The following PDK3 variants were observed in gnomAD, a reference collection of about 807,000 sequenced individuals.
PDK3 encodes the protein pyruvate dehydrogenase kinase, isozyme 3.
In PDK3, 12 loss-of-function variants were observed where a neutral mutation model predicts 32.0. The ratio of observed to expected loss-of-function variants is 0.37; its 90% CI spans 0.24 to 0.61. PDK3 has a LOEUF of 0.61. Among genes scored for constraint, PDK3 ranks in the 20% least tolerant of loss-of-function variants. The probability of loss-of-function intolerance (pLI) is 0.65; values close to 1 mark genes in which losing one functional copy is unlikely to be tolerated. For missense variants in PDK3, 188 were observed against 316.9 expected, an observed-to-expected ratio of 0.59 and a Z score of 3.09; for synonymous variants, 122 against 116.3, an observed-to-expected ratio of 1.05 and a Z score of -0.31.
chrX:24,483,320 G>A (rs7059516), intron 1 of PDK3, among the ~76,000 whole-genome samples: 42,048 of 110,678 alleles, frequency 0.38, 6,028 homozygotes, highest in African/African-American at 0.52. Context: ...CCAATTTACC[G>A]TTAGGACTAG....
chrX:24,491,277 TCA>T (rs747897290), intron 1 of PDK3, among the ~76,000 whole-genome samples: 4 of 59,806 alleles, frequency 6.7e-5, no homozygotes, highest in African/African-American at 4.3e-4. Context: ...AGACCCTGTC[TCA>T]AAAAAAAAAA....
At chrX:24,540,524 G>A (rs1484195140) in exon 12 of PDK3, among the ~76,000 whole-genome samples, 1 of 112,001 alleles carries the variant, frequency 8.9e-6, no homozygotes, top group African/African-American at 3.2e-5. Context: ...CTGAGATGAG[G>A]TGTGCTTTGA....
Position 24,512,337 on chromosome X carries a change from G to A in PDK3, c.596-6596G>A, listed in dbSNP as rs1446712974. Among the ~76,000 whole-genome samples, 4 of 112,089 alleles carry A rather than the reference G, an allele frequency of 3.6e-5. No homozygotes were observed. In the East Asian group the frequency reaches 1.1e-3, roughly 31 times the overall value. ...TAAGTTGCCTGTGTTGTTCTTACAT[G>A]CTATTACTGCTTAATATAATAGCAC... is the stretch of plus-strand genomic sequence containing the variant. On this transcript the variant is annotated intron_variant, in intron 5 of 10. Coordinates refer to ENST00000379162, the MANE Select transcript of PDK3 (RefSeq NM_005391.5).
chrX:24,542,901 A>G (rs1922920514), exon 12 of PDK3, among the ~76,000 whole-genome samples: 1 of 112,080 alleles, frequency 8.9e-6, no homozygotes, highest in African/African-American at 3.2e-5. Flanking sequence ...ACGAACAATA[A>G]CTTGGCTGGC....
intron 5 of PDK3, among the ~76,000 whole-genome samples, chrX:24,509,012 C>T (rs1268736641): frequency 1.8e-5 from 2 of 112,179 alleles, no homozygotes; most frequent in African/African-American, 6.5e-5. Context: ...CCACCATCCC[C>T]AGCCTATTTG....
At chrX:24,465,904 T>A (rs1940059395) in intron 1 of PDK3, among the ~76,000 whole-genome samples, 1 of 111,689 alleles carries the variant, frequency 9.0e-6, no homozygotes, top group Admixed American at 9.4e-5. Flanking sequence ...GGCTTTTTAA[T>A]GTTTTTATTT....
chrX:24,504,435 C>T (rs1269003128), intron 4 of PDK3, among the ~76,000 whole-genome samples: 1 of 112,126 alleles, frequency 8.9e-6, no homozygotes, highest in Non-Finnish European at 1.9e-5. Context: ...TAGGCCTACA[C>T]ATCTCTGTTT....
At chrX:24,523,668 A>G (rs1922452641) in intron 6 of PDK3, among the ~76,000 whole-genome samples, 1 of 112,230 alleles carries the variant, frequency 8.9e-6, no homozygotes, top group African/African-American at 3.2e-5. Flanking sequence ...TTGTTCGAGA[A>G]CAACCTAGGA....
Position 24,520,271 on chromosome X carries a change from A to C in PDK3, c.673+1261A>C, listed in dbSNP as rs766051277. ...TTGATGATCACAGTAGTTTTCTTAT[A>C]AAGTTAGAAAACAACCCAAATTTTC... On this transcript the variant is annotated intron_variant, in intron 6 of 10. Transcript: ENST00000379162. Among the ~76,000 whole-genome samples, 3 of 112,515 alleles carry C rather than the reference A, an allele frequency of 2.7e-5. No homozygotes were observed. In the Admixed American group the frequency reaches 2.8e-4, roughly 11 times the overall value.
intron 1 of PDK3, among the ~76,000 whole-genome samples, chrX:24,484,845 CCTCTCT>C (rs56683164): frequency 4.7e-5 from 5 of 105,330 alleles, no homozygotes; most frequent in Admixed American, 1.0e-4. Flanking sequence ...CATCCCTATT[CCTCTCT>C]CTCTCTCTCT....
intron 1 of PDK3, among the ~76,000 whole-genome samples, chrX:24,488,968 A>G (rs1022032690): frequency 8.9e-6 from 1 of 112,348 alleles, no homozygotes; most frequent in African/African-American, 3.2e-5. Flanking sequence ...AGAGAAGCCA[A>G]GTAAGTAGGG....
chrX:24,536,493 T>G (rs1166217705), downstream of PDK3, among the ~76,000 whole-genome samples: 2 of 111,957 alleles, frequency 1.8e-5, no homozygotes, highest in Admixed American at 1.9e-4. Context: ...TCCTTCCTTT[T>G]AAATTTAAAG....
intron 9 of PDK3, among the ~76,000 whole-genome samples, chrX:24,528,929 G>T (rs1207735443): frequency 8.9e-6 from 1 of 112,303 alleles, no homozygotes; most frequent in East Asian, 2.8e-4. Flanking sequence ...ATGGTTCAGG[G>T]TATAAATTAA....
At chrX:24,468,925 C>T (rs914136224) in intron 1 of PDK3, among the ~76,000 whole-genome samples, 3 of 111,998 alleles carry the variant, frequency 2.7e-5, no homozygotes, top group African/African-American at 9.7e-5. Flanking sequence ...CACAGAAAAG[C>T]CTGCTTCCCA....
chrX:24,478,802 A>G, intron 1 of PDK3, among the ~76,000 whole-genome samples: 1 of 112,111 alleles, frequency 8.9e-6, no homozygotes, highest in Non-Finnish European at 1.9e-5. Context: ...AACAGTTGTG[A>G]TTTTATTTTC....
chrX:24,539,503 C>T (rs780463205), exon 12 of PDK3: 22 of 181,381 alleles, frequency 1.2e-4, no homozygotes, highest in Middle Eastern at 1.9e-3. Context: ...GGATTCTGTG[C>T]GCCTTTCCCA....
chrX:24,496,930 C>T (rs895595324), intron 2 of PDK3, among the ~76,000 whole-genome samples: 11 of 105,921 alleles, frequency 1.0e-4, no homozygotes, highest in African/African-American at 2.8e-4. Context: ...TACAGGCGCC[C>T]GCCACCATGC....
intron 2 of PDK3, among the ~76,000 whole-genome samples, chrX:24,497,259 T>C (rs1232579274): frequency 9.0e-6 from 1 of 111,448 alleles, no homozygotes; most frequent in Non-Finnish European, 1.9e-5. Context: ...TCCATAGCCT[T>C]ATATGCCCAG....
At chrX:24,515,250 G>A (rs560625988) in intron 5 of PDK3, among the ~76,000 whole-genome samples, 6 of 112,159 alleles carry the variant, frequency 5.3e-5, no homozygotes, top group African/African-American at 1.6e-4. Context: ...TAATTATAAC[G>A]TTGATACACT....
Sources: allele counts gnomAD v4.1 joint callset (sites outside exome capture counted in the v4.1 genomes callset), GRCh38; gene constraint gnomAD v4.1.1; transcripts MANE v1.5; gene names NCBI Gene and HGNC (gene_info 2026-07-23, HGNC 2026-07-21).